ROBO2: variants seen among roughly 807,000 people sequenced by gnomAD.
ROBO2 encodes the protein roundabout guidance receptor 2.
In ROBO2, 53 loss-of-function variants were observed where a neutral mutation model predicts 160.8. The ratio of observed to expected loss-of-function variants is 0.33; its 90% confidence interval spans 0.26 to 0.41. ROBO2 has a LOEUF of 0.41. Among genes scored for constraint, ROBO2 ranks in the 10% least tolerant of loss-of-function variants. The pLI, the probability that ROBO2 is intolerant of heterozygous loss-of-function variation, is 1.00. For missense variants in ROBO2, 1,577 were observed against 1,722.4 expected (o/e 0.92, Z 1.49); for synonymous variants, 664 against 611.7 (o/e 1.09, Z -1.26).
At chr3:77,417,506 A>T (rs753184931) in intron 2 of ROBO2, among the ~76,000 whole-genome samples, 37 of 152,128 alleles carry the variant, frequency 2.4e-4, no homozygotes, top group Middle Eastern at 3.2e-3. Context: ...AATATATGTA[A>T]TAAATGCATC....
intron 2 of ROBO2, among the ~76,000 whole-genome samples, chr3:76,213,793 G>A (rs1301341094): frequency 6.6e-6 from 1 of 152,116 alleles, no homozygotes; most frequent in East Asian, 1.9e-4. Flanking sequence ...AATTTGACAT[G>A]TATTGAGAAT....
chr3:76,422,432 T>C (rs1306910824), intron 2 of ROBO2, among the ~76,000 whole-genome samples: 1 of 152,184 alleles, frequency 6.6e-6, no homozygotes, highest in Non-Finnish European at 1.5e-5. Context: ...CAGGTGGGCC[T>C]GGGCCTAATG....
chr3:76,929,834 GAAA>G (rs1035856465), intron 2 of ROBO2, among the ~76,000 whole-genome samples: 3 of 152,248 alleles, frequency 2.0e-5, no homozygotes, highest in Middle Eastern at 3.4e-3. Context: ...GAATCTCAGG[GAAA>G]AAGAGACTCC....
intron 2 of ROBO2, among the ~76,000 whole-genome samples, chr3:76,369,948 C>T (rs952596665): frequency 2.6e-5 from 4 of 151,996 alleles, no homozygotes; most frequent in Admixed American, 6.6e-5. Flanking sequence ...TGCTTCACAA[C>T]TTTCAATGTC....
chr3:75,989,905 A>T (rs1436084167), intron 2 of ROBO2, among the ~76,000 whole-genome samples: 1 of 152,328 alleles, frequency 6.6e-6, no homozygotes, highest in African/African-American at 2.4e-5. Context: ...TGTTTCTGCC[A>T]CACTGTTACT....
At chr3:77,078,305 A>G (rs1486916274) in intron 1 of ROBO2, among the ~76,000 whole-genome samples, 1 of 152,208 alleles carries the variant, frequency 6.6e-6, no homozygotes, top group Non-Finnish European at 1.5e-5. Context: ...GTTTTAGTTG[A>G]CACATGTTTT....
chr3:76,455,786 T>G (rs2077718386), intron 2 of ROBO2, among the ~76,000 whole-genome samples: 1 of 152,188 alleles, frequency 6.6e-6, no homozygotes, highest in African/African-American at 2.4e-5. Context: ...AATTCTAATA[T>G]GCCAGTGTCC....
At chr3:77,169,620 G>C (rs1388314994) in intron 2 of ROBO2, among the ~76,000 whole-genome samples, 2 of 152,108 alleles carry the variant, frequency 1.3e-5, no homozygotes, top group African/African-American at 4.8e-5. Flanking sequence ...CTACTCACCT[G>C]TATCATTTGA....
At chr3:77,523,593 G>C (rs1010231280) in intron 6 of ROBO2, among the ~76,000 whole-genome samples, 1 of 151,336 alleles carries the variant, frequency 6.6e-6, no homozygotes, top group Non-Finnish European at 1.5e-5. Flanking sequence ...TAACTTCACA[G>C]TGCACTAGAA....
intron 2 of ROBO2, among the ~76,000 whole-genome samples, chr3:77,319,574 A>C (rs937959890): frequency 6.6e-5 from 10 of 152,196 alleles, no homozygotes; most frequent in African/African-American, 2.4e-4. Flanking sequence ...TGAGTGTGCT[A>C]TGAGTAAGAC....
chr3:76,136,232 C>T (rs564817319), intron 2 of ROBO2, among the ~76,000 whole-genome samples: 29 of 152,100 alleles, frequency 1.9e-4, no homozygotes, highest in Non-Finnish European at 1.9e-4. Flanking sequence ...ATACTAGCTT[C>T]TCAACCTCTG....
intron 2 of ROBO2, among the ~76,000 whole-genome samples, chr3:76,850,392 C>T (rs909151771): frequency 6.6e-6 from 1 of 152,114 alleles, no homozygotes; most frequent in Non-Finnish European, 1.5e-5. Context: ...ATCAGTATCC[C>T]GTGACCTTAC....
At chr3:76,848,180 TA>T (rs2068958353) in intron 2 of ROBO2, among the ~76,000 whole-genome samples, 1 of 152,190 alleles carries the variant, frequency 6.6e-6, no homozygotes, top group African/African-American at 2.4e-5. Flanking sequence ...TTGAGTCACC[TA>T]ATTTTGGTAT....
intron 2 of ROBO2, among the ~76,000 whole-genome samples, chr3:76,511,440 T>A (rs1415520199): frequency 2.6e-5 from 4 of 152,214 alleles, no homozygotes; most frequent in African/African-American, 4.8e-5. Flanking sequence ...GTTCTGCTCA[T>A]CCTTCAGCTG....
At chr3:76,816,751 C>G (rs62261803) in intron 2 of ROBO2, among the ~76,000 whole-genome samples, 18,723 of 151,888 alleles carry the variant, frequency 0.12, 1,282 homozygotes, top group East Asian at 0.25. Context: ...AATCATGCTG[C>G]TATAAAGACA....
chr3:77,240,068 A>G (rs534637071), intron 2 of ROBO2, among the ~76,000 whole-genome samples: 68 of 152,296 alleles, frequency 4.5e-4, no homozygotes, highest in Non-Finnish European at 8.7e-4. Context: ...CGGAGCTGCC[A>G]GCCAGTCCCA....
At chr3:76,705,040 A>G (rs2093131447) in intron 2 of ROBO2, among the ~76,000 whole-genome samples, 2 of 152,000 alleles carry the variant, frequency 1.3e-5, no homozygotes, top group Non-Finnish European at 2.9e-5. Flanking sequence ...CTCTATGCCA[A>G]CTCTTCAACT....
intron 2 of ROBO2, among the ~76,000 whole-genome samples, chr3:76,988,337 A>G (rs998883443): frequency 6.6e-6 from 1 of 152,162 alleles, no homozygotes; most frequent in Non-Finnish European, 1.5e-5. Context: ...GGTCTCCACC[A>G]CCAAAGTGAA....
chr3:76,693,459 C>T (rs114436911), intron 2 of ROBO2, among the ~76,000 whole-genome samples: 1 of 128,666 alleles, frequency 7.8e-6, no homozygotes, highest in Non-Finnish European at 1.6e-5. Flanking sequence ...TATATATATA[C>T]ACATATATAT....
Sources: allele counts gnomAD v4.1 joint callset (sites outside exome capture counted in the v4.1 genomes callset), GRCh38; gene constraint gnomAD v4.1.1; transcripts MANE v1.5; gene names NCBI Gene and HGNC (gene_info 2026-07-23, HGNC 2026-07-21).